The following ZNF385D variants were observed in gnomAD, a reference collection of about 807,000 sequenced individuals.
ZNF385D encodes zinc finger protein 385D, also known as zinc finger protein 659.
A neutral mutation model predicts 35.8 loss-of-function variants in ZNF385D; 15 were observed. The observed-to-expected ratio is 0.42, with a 90% CI of 0.28 to 0.64. The LOEUF (loss-of-function observed/expected upper bound fraction) is 0.64. ZNF385D is among the 30% of genes least tolerant of loss of function. ZNF385D has a pLI of 0.23. For synonymous variants in ZNF385D, 212 were observed against 186.8 expected (o/e 1.13, Z -1.10); for missense variants, 474 against 494.6 (o/e 0.96, Z 0.39).
At chr3:21,775,032 G>C (rs1020037926) in intron 3 of ZNF385D, among the ~76,000 whole-genome samples, 1 of 151,762 alleles carries the variant, frequency 6.6e-6, no homozygotes, top group African/African-American at 2.4e-5. Context: ...CAATTTCATG[G>C]TATAAGTACA....
chr3:21,689,984 C>G (rs1376093908), intron 1 of ZNF385D, among the ~76,000 whole-genome samples: 1 of 150,810 alleles, frequency 6.6e-6, no homozygotes, highest in East Asian at 1.9e-4. Flanking sequence ...AAGTGAAACA[C>G]TAATATTTTT....
In ZNF385D at chr3:22,369,790, AC is replaced by A. The variant is rs535496370; in HGVS notation, c.106+2659del. Among the ~76,000 whole-genome samples the A allele has an allele frequency of 2.0e-3, 298 of 152,288 alleles. 8 individuals carry two copies. The South Asian group carries it at 0.041, about 21-fold the overall frequency. Reference sequence around the variant, plus strand: ...TGACAAAGTTATCTTACTTGTTCTTACTCCTACTTTTAAAACCTCAAAATCT... The same window carrying A: ...TGACAAAGTTATCTTACTTGTTCTTATCCTACTTTTAAAACCTCAAAATCT... On this transcript the variant is annotated intron_variant, in intron 2 of 5. Transcript: ENST00000494108.
At chr3:22,171,640 G>T (rs1174290163) in intron 2 of ZNF385D, among the ~76,000 whole-genome samples, 2 of 152,116 alleles carry the variant, frequency 1.3e-5, no homozygotes, top group Non-Finnish European at 2.9e-5. Flanking sequence ...ACTTTGGGAG[G>T]CCGAGGCGGG....
intron 3 of ZNF385D, among the ~76,000 whole-genome samples, chr3:21,946,854 TA>T (rs1701814210): frequency 6.6e-6 from 1 of 152,042 alleles, no homozygotes; most frequent in African/African-American, 2.4e-5. Flanking sequence ...ATAAAAACAT[TA>T]AAAAAATTAC....
intron 2 of ZNF385D, among the ~76,000 whole-genome samples, chr3:21,569,922 A>AGGGGG (rs1575210384): frequency 1.6e-4 from 18 of 115,342 alleles, no homozygotes; most frequent in African/African-American, 2.1e-4. Context: ...GTGGGGGGGC[A>AGGGGG]GGGAGGGATA....
In ZNF385D at chr3:21,419,367, A is replaced by C. The variant is rs1010905693; in HGVS notation, c.*1847T>G. 1.3e-5 allele frequency: 2 copies of C among 152,112 alleles called. No homozygotes were observed. The highest frequency in any genetic ancestry group is 4.8e-5 in the African/African-American group (2 of 41,424). The allele number at this position is 152,112 out of a possible 1,614,324, so 9.4% of individuals were successfully genotyped here. On this transcript the variant is annotated 3_prime_UTR_variant, in exon 8 of 8. Coordinates refer to ENST00000281523, the MANE Select transcript of ZNF385D (RefSeq NM_024697.3). ...GAAGAACTCCAAAAAACCATGTTTAATGTTGAGCACCAAGCACGCTATGGT... is the reference window on the plus strand; with the variant it reads ...GAAGAACTCCAAAAAACCATGTTTACTGTTGAGCACCAAGCACGCTATGGT...
At chr3:21,635,549 T>C (rs552208167) in intron 2 of ZNF385D, among the ~76,000 whole-genome samples, 19 of 102,944 alleles carry the variant, frequency 1.8e-4, no homozygotes, top group African/African-American at 6.2e-4. Flanking sequence ...GTTGTTGTTG[T>C]TGTTTGTTTG....
intron 4 of ZNF385D, among the ~76,000 whole-genome samples, chr3:21,438,708 T>C (rs1205379696): frequency 6.6e-6 from 1 of 152,102 alleles, no homozygotes. Flanking sequence ...GCTAAGATCA[T>C]CAAGTAAGTC....
In ZNF385D at chr3:21,751,064, C is replaced by T; in HGVS notation, c.-148G>A. The T allele has an allele frequency of 1.3e-6, 2 of 1,524,316 alleles. No homozygotes were observed. Among genetic ancestry groups the T allele is most frequent in the Non-Finnish European group, 1.8e-6 (2 of 1,135,420 alleles). The allele number at this position is 1,524,316 out of a possible 1,614,324, so 94.4% of individuals were successfully genotyped here. Reference sequence around the variant, plus strand: ...GAGCGCCGAGAGCGTGCCTCCTCCGCGGGATGAGCGCCTTGCAGGCTGCCT... The same window carrying T: ...GAGCGCCGAGAGCGTGCCTCCTCCGTGGGATGAGCGCCTTGCAGGCTGCCT... On this transcript the variant is annotated 5_prime_UTR_variant, in exon 1 of 8. Coordinates refer to ENST00000281523, the MANE Select transcript of ZNF385D (RefSeq NM_024697.3).
At chr3:22,024,091 G>A (rs562983726) in intron 3 of ZNF385D, among the ~76,000 whole-genome samples, 24 of 152,232 alleles carry the variant, frequency 1.6e-4, no homozygotes, top group African/African-American at 5.8e-4. Flanking sequence ...TCAGCTGCCA[G>A]TGAATATAAA....
chr3:21,655,421 T>TA (rs961644598), intron 2 of ZNF385D, among the ~76,000 whole-genome samples: 1 of 152,182 alleles, frequency 6.6e-6, no homozygotes, highest in Admixed American at 6.6e-5. Context: ...CCTAAATTGT[T>TA]ACTGAAATAG....
chr3:21,507,338 G>A (rs978625486), intron 4 of ZNF385D, among the ~76,000 whole-genome samples: 1 of 151,922 alleles, frequency 6.6e-6, no homozygotes, highest in African/African-American at 2.4e-5. Context: ...AAAGGAATTA[G>A]TTTGGGTTTT....
chr3:22,086,706 G>A (rs1701064407), intron 3 of ZNF385D, among the ~76,000 whole-genome samples: 1 of 152,230 alleles, frequency 6.6e-6, no homozygotes, highest in South Asian at 2.1e-4. Flanking sequence ...ATGATAGACT[G>A]GATTAAGAAA....
At chr3:21,995,511 C>T (rs896913775) in intron 3 of ZNF385D, among the ~76,000 whole-genome samples, 1 of 152,020 alleles carries the variant, frequency 6.6e-6, no homozygotes, top group African/African-American at 2.4e-5. Flanking sequence ...GTGTAGGTGG[C>T]AGTGAGTGAG....
chr3:21,585,409 T>C (rs2063781573), intron 2 of ZNF385D, among the ~76,000 whole-genome samples: 1 of 152,208 alleles, frequency 6.6e-6, no homozygotes, highest in Admixed American at 6.5e-5. Flanking sequence ...AGCTTTTCTC[T>C]GTTGCTAAAT....
chr3:22,048,323 A>T (rs1699132933), intron 3 of ZNF385D, among the ~76,000 whole-genome samples: 3 of 152,182 alleles, frequency 2.0e-5, no homozygotes, highest in African/African-American at 7.2e-5. Context: ...TATTCAAAAA[A>T]ATCAATGCCC....
At chr3:21,874,165 G>A (rs1423502620) in intron 3 of ZNF385D, among the ~76,000 whole-genome samples, 2 of 151,608 alleles carry the variant, frequency 1.3e-5, no homozygotes, top group Non-Finnish European at 1.5e-5. Flanking sequence ...CTTCCTTTTT[G>A]CTTTTCTTTT....
At chr3:21,563,549 A>G (rs56413975) in intron 3 of ZNF385D, among the ~76,000 whole-genome samples, 1,926 of 152,262 alleles carry the variant, frequency 0.013, 39 homozygotes, top group African/African-American at 0.044. Context: ...TGCCTCATCT[A>G]TTTCCTATAC....
chr3:22,173,237 G>C (rs1037670203), intron 2 of ZNF385D, among the ~76,000 whole-genome samples: 6 of 152,298 alleles, frequency 3.9e-5, no homozygotes, highest in Admixed American at 6.5e-5. Flanking sequence ...TAAATGAAAT[G>C]TGGTATCCTG....
Sources: gnomAD v4.1 joint callset for allele counts (sites outside exome capture counted in the v4.1 genomes callset) on GRCh38, gnomAD v4.1.1 for gene constraint, MANE v1.5 for transcripts, NCBI Gene and HGNC (gene_info 2026-07-23, HGNC 2026-07-21) for gene names.